CLIP2: variants seen among roughly 807,000 people sequenced by gnomAD.
CLIP2 encodes the protein CAP-Gly domain-containing linker protein 2.
Under a neutral mutation model 111.7 loss-of-function variants are expected in CLIP2, and 41 were observed. That is an observed-to-expected ratio of 0.37 (90% CI 0.29 to 0.48). CLIP2 has a LOEUF of 0.48. CLIP2 is among the 20% of genes least tolerant of loss of function. CLIP2 has a pLI of 0.99. For synonymous variants in CLIP2, 660 were observed against 644.2 expected (o/e 1.02, Z -0.37); for missense variants, 1,160 against 1,422.1 (o/e 0.82, Z 2.96).
intron 1 of CLIP2, among the ~76,000 whole-genome samples, chr7:74,309,507 G>A (rs951098358): frequency 2.0e-5 from 3 of 152,056 alleles, no homozygotes; most frequent in East Asian, 3.9e-4. Flanking sequence ...CATATGAACG[G>A]ATTCATACAA....
At chr7:74,360,960 T>A (rs1180177491) in intron 7 of CLIP2, among the ~76,000 whole-genome samples, 2 of 151,874 alleles carry the variant, frequency 1.3e-5, no homozygotes, top group Non-Finnish European at 2.9e-5. Context: ...ACACCAGGTG[T>A]CCCTGGGGAG....
At chr7:74,360,111 C>T in intron 6 of CLIP2, 64 bp from the exon 7 acceptor site, 1 of 1,386,504 alleles carries the variant, frequency 7.2e-7, no homozygotes, top group Non-Finnish European at 9.9e-7. Flanking sequence ...CCCACCACAC[C>T]ACCAACCTGG....
At chr7:74,325,452 A>T (rs1447487064) in intron 2 of CLIP2, among the ~76,000 whole-genome samples, 1 of 152,114 alleles carries the variant, frequency 6.6e-6, no homozygotes, top group Non-Finnish European at 1.5e-5. Context: ...CAGTGGTGAC[A>T]TTGGAGCAAG....
At chr7:74,390,826 T>A (rs1398605809) in intron 13 of CLIP2, among the ~76,000 whole-genome samples, 2 of 151,936 alleles carry the variant, frequency 1.3e-5, no homozygotes, top group African/African-American at 2.4e-5. Context: ...GGTGGGCAGA[T>A]CACCTGAGGT....
chr7:74,297,537 G>A (rs1256837135), intron 1 of CLIP2, among the ~76,000 whole-genome samples: 3 of 151,932 alleles, frequency 2.0e-5, no homozygotes, highest in African/African-American at 7.3e-5. Flanking sequence ...TTGAGAGGAA[G>A]CCTCAGCCTC....
At position 74,360,232 on chromosome 7, in the gene CLIP2, C is replaced by T. The variant is rs367705587; in HGVS notation, c.1273C>T (p.Arg425Trp). 6 of 1,607,158 alleles carry T rather than the reference C, an allele frequency of 3.7e-6. No homozygotes were observed. The highest frequency in any genetic ancestry group is 2.2e-5 in the South Asian group (2 of 89,488). The change falls in exon 7 of 17, where the codon CGG becomes TGG. Residue 425 changes from arginine to tryptophan, a missense_variant. Transcript: ENST00000223398. ...AGCCCGGCTGCTCGTGGAGAGCGTG[C>T]GGAAAGAGAAGGTGGACCTGTCCAA... The part of the protein sequence containing the change: ...QRARLLVESV[R>W]KEKVDLSNQL...
chr7:74,358,543 A>G (rs1178631309), intron 6 of CLIP2, among the ~76,000 whole-genome samples: 3 of 149,294 alleles, frequency 2.0e-5, no homozygotes, highest in Admixed American at 6.8e-5. Context: ...AGCATTTTCT[A>G]GGTCCTGGCA....
At chr7:74,372,090 C>T (rs1036672778) in intron 8 of CLIP2, among the ~76,000 whole-genome samples, 1 of 152,180 alleles carries the variant, frequency 6.6e-6, no homozygotes, top group Non-Finnish European at 1.5e-5. Flanking sequence ...CTCCCAATGT[C>T]CTCACCCTCC....
intron 13 of CLIP2, among the ~76,000 whole-genome samples, chr7:74,390,591 G>A (rs1055302164): frequency 6.6e-6 from 1 of 151,788 alleles, no homozygotes; most frequent in Non-Finnish European, 1.5e-5. Flanking sequence ...ATCACCTTAG[G>A]TGGCAAGTCG....
chr7:74,389,872 C>T (rs1791224745), intron 13 of CLIP2, among the ~76,000 whole-genome samples: 5 of 151,268 alleles, frequency 3.3e-5, no homozygotes, highest in Admixed American at 2.6e-4. Flanking sequence ...GCACTCCAAC[C>T]TGGGTGACCA....
At chr7:74,371,392 G>C (rs1790615679) in intron 8 of CLIP2, among the ~76,000 whole-genome samples, 1 of 151,954 alleles carries the variant, frequency 6.6e-6, no homozygotes, top group Admixed American at 6.6e-5. Context: ...CCATCTATGA[G>C]GGTTCCAGAC....
At chr7:74,356,646 G>A in intron 5 of CLIP2, 23 bp downstream of exon 5, 2 of 1,597,388 alleles carry the variant, frequency 1.3e-6, no homozygotes, top group Non-Finnish European at 1.7e-6. Context: ...CTGCAGAAGG[G>A]GATTCTCTGG....
rs1554312972 is a variant in CLIP2 at position 74,376,663 on chromosome 7, G to A, written c.2262G>A (p.Glu754=). The A allele has an allele frequency of 1.9e-6, 3 of 1,613,432 alleles. No homozygotes were observed. Among genetic ancestry groups the A allele is most frequent in the Non-Finnish European group, 2.5e-6 (3 of 1,179,916 alleles). Residue 754 remains glutamate (E), a synonymous_variant, in exon 10 of 17, where the codon GAG becomes GAA. Transcript: ENST00000223398. This position sits in a 1 kb window ranked among gnomAD's most constrained non-coding sequence, Gnocchi z 7.1. ...CGCAGGCTATCGAGTTCCTCAAGGAGCAGATCTCGCTGGCCGAGAAGAAGA... is the reference window on the plus strand; with the variant it reads ...CGCAGGCTATCGAGTTCCTCAAGGAACAGATCTCGCTGGCCGAGAAGAAGA... ...GQAQAIEFLK[E]QISLAEKKML...
intron 2 of CLIP2, among the ~76,000 whole-genome samples, chr7:74,319,757 G>A (rs1419418349): frequency 6.6e-6 from 1 of 151,500 alleles, no homozygotes; most frequent in East Asian, 1.9e-4. Context: ...GGGGTTGGAG[G>A]CTGCAGTGAG....
intron 11 of CLIP2, among the ~76,000 whole-genome samples, chr7:74,382,781 A>G (rs1355307037): frequency 1.3e-5 from 2 of 151,828 alleles, no homozygotes; most frequent in African/African-American, 4.8e-5. Context: ...GCAGATATTT[A>G]AAAAATCAGG....
intron 1 of CLIP2, among the ~76,000 whole-genome samples, chr7:74,314,000 T>A (rs1211600876): frequency 6.6e-6 from 1 of 151,972 alleles, no homozygotes. Context: ...CTGGCCAAGA[T>A]GGCAGAAACC....
At chr7:74,395,933 G>A (rs1791434730) in intron 13 of CLIP2, among the ~76,000 whole-genome samples, 1 of 152,216 alleles carries the variant, frequency 6.6e-6, no homozygotes, top group Non-Finnish European at 1.5e-5. Flanking sequence ...GGTGGCTGCT[G>A]AAAGTCCAGC....
intron 1 of CLIP2, among the ~76,000 whole-genome samples, chr7:74,302,878 A>G (rs1393840750): frequency 1.3e-5 from 2 of 152,206 alleles, no homozygotes; most frequent in African/African-American, 2.4e-5. Context: ...CGCCAGGCCA[A>G]TGGGTGCTCT....
At chr7:74,316,902 A>C (rs1788790986) in intron 1 of CLIP2, among the ~76,000 whole-genome samples, 1 of 151,256 alleles carries the variant, frequency 6.6e-6, no homozygotes. Flanking sequence ...CATGCAGCTC[A>C]CGCTTTGAAA....
Sources: gnomAD v4.1 joint callset for allele counts (sites outside exome capture counted in the v4.1 genomes callset) on GRCh38, gnomAD v4.1.1 for gene constraint, Gnocchi (gnomAD v3.1) non-coding constraint, MANE v1.5 for transcripts, NCBI Gene and HGNC (gene_info 2026-07-23, HGNC 2026-07-21) for gene names.